Variants in SPATA17 observed in about 807,000 individuals in gnomAD.
The protein encoded by SPATA17 is spermatogenesis-associated protein 17.
Under a neutral mutation model 62.2 loss-of-function variants are expected in SPATA17, and 53 were observed. The ratio of observed to expected loss-of-function variants is 0.85; its 90% CI spans 0.68 to 1.07. The LOEUF (loss-of-function observed/expected upper bound fraction) is 1.07, where lower values mean the gene tolerates loss of function less well. Among genes scored for constraint, SPATA17 ranks in the 50% least tolerant of loss-of-function variants. The probability of loss-of-function intolerance (pLI) is 0.00; values close to 1 mark genes in which losing one functional copy is unlikely to be tolerated. For missense variants in SPATA17, 466 were observed against 425.5 expected, an observed-to-expected ratio of 1.10 and a Z score of -0.84; for synonymous variants, 146 against 146.8, an observed-to-expected ratio of 0.99 and a Z score of 0.04.
chr1:217,690,358 G>A (rs1671320421), intron 5 of SPATA17, among the ~76,000 whole-genome samples: 1 of 151,518 alleles, frequency 6.6e-6, no homozygotes, highest in Non-Finnish European at 1.5e-5. Context: ...CTTCTATCTT[G>A]CTAATTCTCT....
At chr1:217,773,968 G>A (rs1673524180) in intron 6 of SPATA17, among the ~76,000 whole-genome samples, 1 of 152,086 alleles carries the variant, frequency 6.6e-6, no homozygotes, top group Admixed American at 6.5e-5. Context: ...TGACTTACAC[G>A]TATAGTTAAA....
In SPATA17 at chr1:217,681,629, C is replaced by T. The variant is rs575210014; in HGVS notation, c.292-1629C>T. Among the ~76,000 whole-genome samples, 5 of 152,122 alleles carry T rather than the reference C, an allele frequency of 3.3e-5. No individual in the cohort carries two copies. The South Asian group carries it at 1.0e-3, about 32-fold the overall frequency. On this transcript the variant is annotated intron_variant, in intron 4 of 10. Transcript: ENST00000366933. ...GGCCAGGCTGGTCTCGAACTCCAGA[C>T]CTTGTGATCTTCCCGCCTTGGCCTC...
At chr1:217,823,480 G>A (rs1247988944) in intron 9 of SPATA17, among the ~76,000 whole-genome samples, 1 of 151,782 alleles carries the variant, frequency 6.6e-6, no homozygotes. Flanking sequence ...TTTTTAGCAT[G>A]TGGCAGGTTA....
chr1:217,755,108 G>T (rs537601913), intron 6 of SPATA17, among the ~76,000 whole-genome samples: 2 of 151,806 alleles, frequency 1.3e-5, no homozygotes, highest in African/African-American at 4.8e-5. Flanking sequence ...ATTATATTGT[G>T]TATTTGTTAC....
chr1:217,778,176 C>A (rs1013401357), intron 7 of SPATA17, among the ~76,000 whole-genome samples: 5 of 152,050 alleles, frequency 3.3e-5, no homozygotes, highest in African/African-American at 1.2e-4. Context: ...TACTCAAAAG[C>A]AGTTAAGGTA....
chr1:217,752,948 C>A lies in SPATA17; in HGVS notation c.519+10850C>A, dbSNP rs572642963. Among the ~76,000 whole-genome samples the A allele has an allele frequency of 7.9e-5, 12 of 152,262 alleles. No homozygotes were observed. In the South Asian group the frequency reaches 2.5e-3, roughly 32 times the overall value. Reference sequence around the variant, plus strand: ...AAATATTAAGTATATGTGGAAGTGACAGAAAACCCACATAAATATATTAAC... The same window carrying A: ...AAATATTAAGTATATGTGGAAGTGAAAGAAAACCCACATAAATATATTAAC... On this transcript the variant is annotated intron_variant, in intron 6 of 10. Transcript: ENST00000366933.
At chr1:217,670,953 G>GAAAAAAAAAAAAAAAAAA in intron 4 of SPATA17, among the ~76,000 whole-genome samples, 1 of 87,136 alleles carries the variant, frequency 1.1e-5, no homozygotes, top group Non-Finnish European at 2.3e-5. Flanking sequence ...TCCGTCTCAG[G>GAAAAAAAAAAAAAAAAAA]AAAAAAAAAA....
In SPATA17 at chr1:217,732,084, T is replaced by TTCTCTCTC. The variant is rs60691625; in HGVS notation, c.396-9875_396-9868dup. ...AATGGAGAAAGAAAATTACTCCAGT[T>TTCTCTCTC]TCTCTCTCTCTCTCTCTCTCTCTGT... On this transcript the variant is annotated intron_variant, in intron 5 of 10. Coordinates refer to ENST00000366933, the MANE Select transcript of SPATA17 (RefSeq NM_138796.4). Among the ~76,000 whole-genome samples the TTCTCTCTC allele has an allele frequency of 2.9e-3, 439 of 148,826 alleles. 1 individual carries two copies. Among genetic ancestry groups the TTCTCTCTC allele is most frequent in the African/African-American group, 9.6e-3 (392 of 40,648 alleles).
At chr1:217,819,316 G>T (rs181832667) in intron 9 of SPATA17, among the ~76,000 whole-genome samples, 3 of 151,700 alleles carry the variant, frequency 2.0e-5, no homozygotes, top group African/African-American at 4.8e-5. Context: ...AAATAATGTT[G>T]TAGGGAAGAA....
At chr1:217,853,520 A>G (rs1675710432) in intron 9 of SPATA17, among the ~76,000 whole-genome samples, 1 of 152,148 alleles carries the variant, frequency 6.6e-6, no homozygotes, top group Admixed American at 6.6e-5. Context: ...GGTAGAATGT[A>G]CAAGTTTATG....
intron 9 of SPATA17, among the ~76,000 whole-genome samples, chr1:217,836,921 T>C (rs1019667226): frequency 1.3e-5 from 2 of 152,182 alleles, no homozygotes; most frequent in Non-Finnish European, 2.9e-5. Context: ...TATTCAACAA[T>C]AATTTTGAAA....
chr1:217,650,394 C>A (rs961043508), intron 2 of SPATA17, among the ~76,000 whole-genome samples: 4 of 152,010 alleles, frequency 2.6e-5, no homozygotes, highest in African/African-American at 7.2e-5. Flanking sequence ...CTCATGAATT[C>A]TTTCTCTCTC....
At chr1:217,665,140 C>T (rs975747956) in intron 3 of SPATA17, 1 of 152,126 alleles carries the variant, frequency 6.6e-6, no homozygotes, top group Non-Finnish European at 1.5e-5. Flanking sequence ...CCCCCACCCA[C>T]GTTGTAATTC....
At chr1:217,653,415 A>T (rs1670367194) in intron 3 of SPATA17, among the ~76,000 whole-genome samples, 1 of 152,212 alleles carries the variant, frequency 6.6e-6, no homozygotes, top group Admixed American at 6.5e-5. Context: ...TCATAACCCT[A>T]GAATCTACAA....
At chr1:217,849,728 C>T (rs1425950571) in intron 9 of SPATA17, among the ~76,000 whole-genome samples, 1 of 152,058 alleles carries the variant, frequency 6.6e-6, no homozygotes, top group Admixed American at 6.6e-5. Context: ...TCATAAACTT[C>T]CTGAACCTGA....
rs546907942 is a variant in SPATA17, at chr1:217,846,464, G to A, written c.1006-16310G>A. Among the ~76,000 whole-genome samples, 4 of 152,054 alleles carry A rather than the reference G, an allele frequency of 2.6e-5. No homozygotes were observed. In the South Asian group the frequency reaches 6.2e-4, roughly 24 times the overall value. ...GTCAACATTTTACTTAGTAAAATTA[G>A]ATAAAATCAAGAACTTTCTACCTCT... On this transcript the variant is annotated intron_variant, in intron 9 of 10. Coordinates refer to ENST00000366933, the MANE Select transcript of SPATA17 (RefSeq NM_138796.4).
At chr1:217,859,544 A>T (rs887133443) in intron 9 of SPATA17, among the ~76,000 whole-genome samples, 37 of 152,128 alleles carry the variant, frequency 2.4e-4, no homozygotes, top group African/African-American at 8.2e-4. Context: ...AGTAGCTGGG[A>T]CTACAGGTGT....
At chr1:217,700,654 T>G (rs866550415) in intron 5 of SPATA17, among the ~76,000 whole-genome samples, 5 of 152,068 alleles carry the variant, frequency 3.3e-5, no homozygotes, top group African/African-American at 1.2e-4. Flanking sequence ...TGGTGCGATC[T>G]CTGCTCACTG....
At chr1:217,795,732 C>T (rs72728864) in intron 8 of SPATA17, among the ~76,000 whole-genome samples, 4,771 of 152,162 alleles carry the variant, frequency 0.031, 108 homozygotes, top group Middle Eastern at 0.061. Flanking sequence ...CTCATCTCAT[C>T]CCCAGACCAT....
Sources: gnomAD v4.1 joint callset for allele counts (sites outside exome capture counted in the v4.1 genomes callset) on GRCh38, gnomAD v4.1.1 for gene constraint, MANE v1.5 for transcripts, NCBI Gene and HGNC (gene_info 2026-07-23, HGNC 2026-07-21) for gene names.